Variants in SOCS7 observed in about 807,000 individuals in gnomAD.
SOCS7 encodes NAP-4.
In SOCS7, 18 loss-of-function variants were observed where a neutral mutation model predicts 58.9. That is an observed-to-expected ratio of 0.31 (90% CI 0.21 to 0.45). The LOEUF (loss-of-function observed/expected upper bound fraction) is 0.45. SOCS7 is among the 20% of genes least tolerant of loss of function. The pLI, the probability that SOCS7 is intolerant of heterozygous loss-of-function variation, is 1.00. For missense variants in SOCS7, 667 were observed against 837.3 expected, an observed-to-expected ratio of 0.80 and a Z score of 2.51; for synonymous variants, 388 against 364.3, an observed-to-expected ratio of 1.06 and a Z score of -0.74.
At chr17:38,365,209 C>T (rs1423634518) in intron 3 of SOCS7, 99 bp from the exon 4 acceptor site, 2 of 852,342 alleles carry the variant, frequency 2.3e-6, no homozygotes, top group African/African-American at 1.7e-5. Context: ...CATCCTGCCC[C>T]AGAGGGCAGC....
Position 38,352,554 on chromosome 17 carries a change from G to C in SOCS7, c.502G>C (p.Gly168Arg), listed in dbSNP as rs759650127. The C allele has an allele frequency of 5.0e-4, 779 of 1,549,508 alleles. 1 individual carries two copies. The highest frequency in any genetic ancestry group is 6.1e-4 in the Non-Finnish European group (705 of 1,146,578). ...GCCGCCTGCTGCCGCCCCGCAGGCC[G>C]GGGAGGACCCCACGGAAACGAGCGA... ...PQPPAAAPQA[G>R]EDPTETSDAL... The change falls in exon 1 of 10, where the codon GGG (glycine) becomes CGG (arginine). Residue 168 changes from glycine (G) to arginine (R), a missense_variant. Gly to Arg is a moderately radical substitution (Grantham distance 125). Transcript: ENST00000612932. This position sits in a 1 kb window ranked among gnomAD's most constrained non-coding sequence, Gnocchi z 5.5.
chr17:38,370,937 C>T (rs910113708), intron 6 of SOCS7, among the ~76,000 whole-genome samples: 21 of 152,184 alleles, frequency 1.4e-4, no homozygotes, highest in Non-Finnish European at 1.8e-4. Flanking sequence ...GCATGAGCCA[C>T]GGCGCCCGGC....
chr17:38,385,769 G>A (rs1956634068), intron 7 of SOCS7, among the ~76,000 whole-genome samples: 1 of 151,886 alleles, frequency 6.6e-6, no homozygotes, highest in African/African-American at 2.4e-5. Flanking sequence ...TGAATAATTG[G>A]GCTGTTTGAC....
Position 38,352,883 on chromosome 17 carries a change from C to T in SOCS7, c.831C>T (p.Arg277=), listed in dbSNP as rs1032296806. The part of the protein sequence containing the change: ...GPSRKGSFKI[R]LSRLFRTKSC... The stretch of plus-strand genomic sequence containing the variant: ...CTCGGAAGGGCTCCTTCAAAATCCG[C>T]CTCAGTCGCCTCTTTCGCACCAAGA... Residue 277 remains arginine (R), a synonymous_variant, in exon 1 of 10, where the codon CGC becomes CGT. Transcript: ENST00000612932. The surrounding 1 kb of genome is among the most constrained non-coding windows in gnomAD (Gnocchi z 5.5). 3.1e-6 allele frequency: 5 copies of T among 1,598,012 alleles called. No homozygotes were observed. Among genetic ancestry groups the T allele is most frequent in the Admixed American group, 3.5e-5 (2 of 57,926 alleles).
chr17:38,395,900 G>T lies in SOCS7; in HGVS notation c.1870G>T (p.Val624Leu), dbSNP rs756077906. The change falls in exon 9 of 10, where the codon GTA becomes TTA. Residue 624 changes from valine to leucine, a missense_variant. Physicochemically the swap from Val to Leu is conservative, Grantham distance 32 (BLOSUM62 1). Around this residue, in one of 9 missense-constraint regions of SOCS7, gnomAD observed 40 missense variants for 45.6 expected, o/e 0.88. Transcript: ENST00000612932. ...CTACTACTATGATCCTCAGGAAGAGGTATACCTGTCTCTAAAGGAAGCGCA... is the reference window on the plus strand; with the variant it reads ...CTACTACTATGATCCTCAGGAAGAGTTATACCTGTCTCTAAAGGAAGCGCA... ...KFYYYDPQEE[V>L]YLSLKEAQLI... The T allele has an allele frequency of 6.2e-7, 1 of 1,611,830 alleles. No homozygotes were observed. Among genetic ancestry groups the T allele is most frequent in the Non-Finnish European group, 8.5e-7 (1 of 1,179,462 alleles).
At chr17:38,384,317 G>GTTTT (rs1373755506) in intron 7 of SOCS7, among the ~76,000 whole-genome samples, 2 of 151,944 alleles carry the variant, frequency 1.3e-5, no homozygotes, top group Non-Finnish European at 2.9e-5. Flanking sequence ...GTTTTGTTTT[G>GTTTT]TTTTGAGACA....
rs7221654 is a variant in SOCS7, at chr17:38,360,304, C to G, written c.981-1407C>G. ...CTTCACCTCCCGGGCTCAGGAAATT[C>G]TCCTACCTCAGCCTCCTGAGTAGCT... is the stretch of plus-strand genomic sequence containing the variant. On this transcript the variant is annotated intron_variant, in intron 1 of 9. Coordinates refer to ENST00000612932, the MANE Select transcript of SOCS7 (RefSeq NM_014598.4). 1.7e-3 allele frequency among the ~76,000 whole-genome samples: 253 copies of G among 150,372 alleles called. 1 individual carries two copies. Among genetic ancestry groups the G allele is most frequent in the Non-Finnish European group, 2.8e-3 (187 of 67,716 alleles).
chr17:38,386,691 A>G (rs1344625046), intron 7 of SOCS7, among the ~76,000 whole-genome samples: 2 of 152,308 alleles, frequency 1.3e-5, no homozygotes, highest in South Asian at 2.1e-4. Context: ...CCAAATTCAT[A>G]TAGAAAAAGC....
rs1255742705 is a variant in SOCS7, at chr17:38,353,062, C to T, written c.980+30C>T. On this transcript the variant is annotated intron_variant, in intron 1 of 9. Transcript: ENST00000612932. ...GACCGGCCGGGGGCTGGCCGACAAA[C>T]TTCCTTTTCTTGTTTGGTTTCCCTT... 5.3e-6 allele frequency: 8 copies of T among 1,512,442 alleles called. No homozygotes were observed. The South Asian group carries it at 7.5e-5, about 14-fold the overall frequency. The allele number at this position is 1,512,442 out of a possible 1,614,324, so 93.7% of individuals were successfully genotyped here.
rs2037561956 is a variant in SOCS7 at position 38,352,180 on chromosome 17, A to C, written c.128A>C (p.His43Pro). ...GGCCCTCCGCCACCGCCCCCGGGCC[A>C]TGGCCCCCCGCCGCCACCCTTCCTC... ...EPGPPPPPPG[H>P]GPPPPPFLAR... The change falls in exon 1 of 10, where the codon CAT (histidine) becomes CCT (proline). Residue 43 changes from histidine to proline, a missense_variant. Physicochemically the swap from His to Pro is moderately conservative, Grantham distance 77. Transcript: ENST00000612932. The surrounding 1 kb of genome is among the most constrained non-coding windows in gnomAD (Gnocchi z 5.5). 5 of 1,239,622 alleles carry C rather than the reference A, an allele frequency of 4.0e-6. No homozygotes were observed. Among genetic ancestry groups the C allele is most frequent in the Non-Finnish European group, 3.0e-6 (3 of 993,498 alleles). 76.8% of individuals were successfully genotyped at this position (1,239,622 alleles called of 1,614,324 possible). A position where few individuals can be genotyped will look rare whatever the true frequency, so the allele number is the denominator to read the frequency against.
At position 38,352,607 on chromosome 17, in the gene SOCS7, A is replaced by G; in HGVS notation, c.555A>G (p.Glu185=). The stretch of plus-strand genomic sequence containing the variant: ...CGCTGCTGGTCCTGGAGGGCTTGGA[A>G]TCGGAGGCCGAGAGCCTGGAGACTA... ...SDALLVLEGL[E]SEAESLETNS... The change falls in exon 1 of 10, where the codon GAA becomes GAG. Residue 185 remains glutamate, a synonymous_variant. Transcript: ENST00000612932. The surrounding 1 kb of genome is among the most constrained non-coding windows in gnomAD (Gnocchi z 5.5). The G allele has an allele frequency of 1.3e-6, 2 of 1,549,938 alleles. No homozygotes were observed. Among genetic ancestry groups the G allele is most frequent in the South Asian group, 2.4e-5 (2 of 84,050 alleles).
intron 1 of SOCS7, among the ~76,000 whole-genome samples, chr17:38,353,760 T>C (rs2037594708): frequency 1.3e-5 from 2 of 151,878 alleles, no homozygotes; most frequent in African/African-American, 4.8e-5. Context: ...AACAAAAAAT[T>C]AGCCCCCATC....
intron 7 of SOCS7, among the ~76,000 whole-genome samples, chr17:38,395,001 G>T (rs1480379176): frequency 2.0e-5 from 3 of 152,198 alleles, no homozygotes; most frequent in African/African-American, 7.2e-5. Flanking sequence ...AGTGAGCTGA[G>T]ACTGGGCCAC....
intron 7 of SOCS7, among the ~76,000 whole-genome samples, chr17:38,387,125 A>ATGTATGTATG (rs1208781265): frequency 9.7e-6 from 1 of 102,810 alleles, no homozygotes; most frequent in African/African-American, 5.1e-5. Context: ...ATATATATAT[A>ATGTATGTATG]TATGTATGTA....
intron 7 of SOCS7, 101 bp from the exon 8 acceptor site, chr17:38,395,208 A>G (rs1567753484): frequency 2.4e-6 from 3 of 1,239,964 alleles, no homozygotes; most frequent in Non-Finnish European, 3.4e-6. Flanking sequence ...TATGAACCAT[A>G]AAGAAGTCCC....
rs573661150 is a variant in SOCS7 at position 38,375,687 on chromosome 17, T to C, written c.1553-2027T>C. On this transcript the variant is annotated intron_variant, in intron 6 of 9. Transcript: ENST00000612932. ...TGGGGTTGAGGAGGATGTTGGGCCA[T>C]TGGGATAGGGTTCATGCTCCCCCCC... 3.3e-5 allele frequency among the ~76,000 whole-genome samples: 5 copies of C among 152,228 alleles called. No homozygotes were observed. In the East Asian group the frequency reaches 9.6e-4, roughly 29 times the overall value.
chr17:38,361,616 T>C (rs2037720016), intron 1 of SOCS7, 95 bp from the exon 2 acceptor site: 2 of 929,152 alleles, frequency 2.2e-6, no homozygotes, highest in South Asian at 1.3e-5. Context: ...GTTTGCTTTA[T>C]TTCTCAGTGC....
In SOCS7 at chr17:38,401,199, C is replaced by T. The variant is rs2038314051; in HGVS notation, c.*1717C>T. On this transcript the variant is annotated 3_prime_UTR_variant, in exon 10 of 10. Coordinates refer to ENST00000612932, the MANE Select transcript of SOCS7 (RefSeq NM_014598.4). ...TACCTGACTGTGGAAGGGTGGCCCACAAGATGAGCTGTGCACCATAAACAC... is the reference window on the plus strand; with the variant it reads ...TACCTGACTGTGGAAGGGTGGCCCATAAGATGAGCTGTGCACCATAAACAC... The T allele has an allele frequency of 6.6e-6, 1 of 152,178 alleles. No individual in the cohort carries two copies. The highest frequency in any genetic ancestry group is 2.4e-5 in the African/African-American group (1 of 41,444). 9.4% of individuals were successfully genotyped at this position (152,178 alleles called of 1,614,324 possible).
At chr17:38,376,731 CAA>C (rs771819531) in intron 6 of SOCS7, among the ~76,000 whole-genome samples, 45 of 119,542 alleles carry the variant, frequency 3.8e-4, no homozygotes, top group Non-Finnish European at 3.6e-4. Context: ...GACCCTGTCG[CAA>C]AAAAAAAAAA....
Sources: allele counts gnomAD v4.1 joint callset (sites outside exome capture counted in the v4.1 genomes callset), GRCh38; gene constraint gnomAD v4.1.1; regional missense constraint gnomAD v4.1.1; non-coding constraint Gnocchi (gnomAD v3.1); transcripts MANE v1.5; gene names NCBI Gene and HGNC (gene_info 2026-07-23, HGNC 2026-07-21).